KCTD16: variants seen among roughly 807,000 people sequenced by gnomAD.
KCTD16 encodes the protein BTB/POZ domain-containing protein KCTD16.
In KCTD16, 13 loss-of-function variants were observed where a neutral mutation model predicts 33.2. That is an observed-to-expected ratio of 0.39 (90% CI 0.25 to 0.62). The LOEUF (loss-of-function observed/expected upper bound fraction) is 0.62. Among genes scored for constraint, KCTD16 ranks in the 20% least tolerant of loss-of-function variants. The pLI, the probability that KCTD16 is intolerant of heterozygous loss-of-function variation, is 0.50. For synonymous variants in KCTD16, 197 were observed against 195.3 expected, an observed-to-expected ratio of 1.01 and a Z score of -0.07; for missense variants, 441 against 525.1, an observed-to-expected ratio of 0.84 and a Z score of 1.57.
intron 3 of KCTD16, among the ~76,000 whole-genome samples, chr5:144,403,746 C>T (rs958075005): frequency 4.6e-5 from 7 of 152,184 alleles, no homozygotes; most frequent in Admixed American, 3.9e-4. Flanking sequence ...TTTGGGGAGC[C>T]ACTGTCAGTG....
intron 2 of KCTD16, among the ~76,000 whole-genome samples, chr5:144,190,036 GA>G: frequency 6.6e-6 from 1 of 152,242 alleles, no homozygotes; most frequent in East Asian, 1.9e-4. Context: ...CGAGAGCAAT[GA>G]ATTACATAAG....
intron 2 of KCTD16, among the ~76,000 whole-genome samples, chr5:144,174,926 T>C (rs1024116980): frequency 1.2e-4 from 18 of 152,206 alleles, no homozygotes; most frequent in African/African-American, 4.1e-4. Context: ...TGAATGGCTA[T>C]TGTGGCTTGG....
chr5:144,297,433 G>A (rs897811726), intron 3 of KCTD16, among the ~76,000 whole-genome samples: 1 of 152,294 alleles, frequency 6.6e-6, no homozygotes, highest in South Asian at 2.1e-4. Flanking sequence ...CTACAAGGCC[G>A]GATATCTCTC....
At chr5:144,262,799 G>T (rs1755048245) in intron 3 of KCTD16, among the ~76,000 whole-genome samples, 1 of 152,204 alleles carries the variant, frequency 6.6e-6, no homozygotes, top group East Asian at 1.9e-4. Context: ...CAATAGCACA[G>T]ACCTCTGTGT....
At chr5:144,367,691 T>C (rs1236062828) in intron 3 of KCTD16, among the ~76,000 whole-genome samples, 1 of 148,842 alleles carries the variant, frequency 6.7e-6, no homozygotes, top group Non-Finnish European at 1.5e-5. Flanking sequence ...CTTTCATTTA[T>C]TTTTTTTTTC....
chr5:144,254,147 A>AT lies in KCTD16; in HGVS notation c.832+46609dup, dbSNP rs1468029472. Among the ~76,000 whole-genome samples the AT allele has an allele frequency of 6.0e-5, 9 of 149,162 alleles. No homozygotes were observed. In the South Asian group the frequency reaches 1.1e-3, roughly 18 times the overall value. ...TTCTTTTTTTTTTTAATTTATTTTT[A>AT]TTTTTTTTGAGACGGAGTCTCGCTC... On this transcript the variant is annotated intron_variant, in intron 3 of 3. Transcript: ENST00000512467.
intron 3 of KCTD16, among the ~76,000 whole-genome samples, chr5:144,304,302 C>T (rs187113578): frequency 6.6e-6 from 1 of 152,118 alleles, no homozygotes; most frequent in Non-Finnish European, 1.5e-5. Flanking sequence ...CAGCATGAAG[C>T]ACATGTGACA....
At chr5:144,184,291 A>G (rs563352722) in intron 2 of KCTD16, among the ~76,000 whole-genome samples, 1 of 152,200 alleles carries the variant, frequency 6.6e-6, no homozygotes, top group East Asian at 1.9e-4. Flanking sequence ...TTCTATTTCT[A>G]TGCATTTGAC....
Position 144,181,154 on chromosome 5 carries a change from C to T in KCTD16, c.-327+6682C>T, listed in dbSNP as rs979420317. Among the ~76,000 whole-genome samples, 7 of 151,764 alleles carry T rather than the reference C, an allele frequency of 4.6e-5. No homozygotes were observed. In the East Asian group the frequency reaches 5.8e-4, roughly 13 times the overall value. On this transcript the variant is annotated intron_variant, in intron 2 of 3. Coordinates refer to ENST00000512467, the MANE Select transcript of KCTD16 (RefSeq NM_020768.4). Reference sequence around the variant, plus strand: ...TTCACTGTGTTAGCCAGGATGGTCTCGATCTCCTGACCTCATGATCCGCCC... The same window carrying T: ...TTCACTGTGTTAGCCAGGATGGTCTTGATCTCCTGACCTCATGATCCGCCC...
chr5:144,457,110 C>T lies in KCTD16; in HGVS notation c.833-16550C>T, dbSNP rs182076260. On this transcript the variant is annotated intron_variant, in intron 3 of 3. Transcript: ENST00000512467. ...CTTAACTATATGTATTTAAATGTAA[C>T]GCACACTTATCAAATCTGTGATCAG... Among the ~76,000 whole-genome samples, 358 of 152,300 alleles carry T rather than the reference C, an allele frequency of 2.4e-3. 2 individuals carry two copies. Among genetic ancestry groups the T allele is most frequent in the South Asian group, 3.7e-3 (18 of 4,824 alleles).
intron 2 of KCTD16, among the ~76,000 whole-genome samples, chr5:144,196,835 T>G (rs1482963192): frequency 6.6e-6 from 1 of 152,224 alleles, no homozygotes; most frequent in East Asian, 1.9e-4. Flanking sequence ...AGTACCAGCC[T>G]GTCATTTTGA....
intron 3 of KCTD16, among the ~76,000 whole-genome samples, chr5:144,423,760 T>C (rs1241383084): frequency 6.6e-6 from 1 of 152,118 alleles, no homozygotes; most frequent in African/African-American, 2.4e-5. Flanking sequence ...ATGAACAGGA[T>C]TCACTGAGAG....
At chr5:144,278,445 T>G (rs1755498376) in intron 3 of KCTD16, among the ~76,000 whole-genome samples, 1 of 151,406 alleles carries the variant, frequency 6.6e-6, no homozygotes, top group Non-Finnish European at 1.5e-5. Flanking sequence ...TTTGTTCTTA[T>G]TTTTCAAAAT....
At position 144,471,919 on chromosome 5, in the gene KCTD16, T is replaced by A. The variant is rs377308359; in HGVS notation, c.833-1741T>A. Among the ~76,000 whole-genome samples, 57 of 152,316 alleles carry A rather than the reference T, an allele frequency of 3.7e-4. No homozygotes were observed. In the South Asian group the frequency reaches 7.9e-3, roughly 21 times the overall value. ...TTCTGGAGTTGTGATTTATAGAAAC[T>A]TTTGTTTTACTTTCTCTTAAAAAAT... On this transcript the variant is annotated intron_variant, in intron 3 of 3. Transcript: ENST00000512467.
At chr5:144,415,470 T>C (rs1487009248) in intron 3 of KCTD16, among the ~76,000 whole-genome samples, 1 of 152,150 alleles carries the variant, frequency 6.6e-6, no homozygotes, top group African/African-American at 2.4e-5. Flanking sequence ...TAAAGCTAGA[T>C]CATCTTTCAC....
intron 2 of KCTD16, among the ~76,000 whole-genome samples, chr5:144,202,574 CA>C (rs1484046921): frequency 6.6e-6 from 1 of 152,196 alleles, no homozygotes; most frequent in Non-Finnish European, 1.5e-5. Context: ...CCTGATCTCT[CA>C]GAAGGTGAGG....
chr5:144,367,652 C>A lies in KCTD16; in HGVS notation c.833-106008C>A, dbSNP rs181991519. Among the ~76,000 whole-genome samples, 125 of 152,018 alleles carry A rather than the reference C, an allele frequency of 8.2e-4. No homozygotes were observed. The East Asian group carries it at 0.011, about 13-fold the overall frequency. ...GGAGAGTAATCTGTATCTTTCCCCC[C>A]ATACTCTAGAATTGTTTTATTTTTA... is the stretch of plus-strand genomic sequence containing the variant. On this transcript the variant is annotated intron_variant, in intron 3 of 3. Transcript: ENST00000512467.
chr5:144,346,927 C>T (rs1024377263), intron 3 of KCTD16, among the ~76,000 whole-genome samples: 2 of 152,024 alleles, frequency 1.3e-5, no homozygotes, highest in African/African-American at 4.8e-5. Context: ...GAAATCTTTG[C>T]CCAGACCCAA....
At chr5:144,305,973 C>A (rs189748558) in intron 3 of KCTD16, among the ~76,000 whole-genome samples, 1 of 152,276 alleles carries the variant, frequency 6.6e-6, no homozygotes, top group East Asian at 1.9e-4. Context: ...TTAAGCCATC[C>A]ATTCAATGGT....
Sources: gnomAD v4.1 joint callset for allele counts (sites outside exome capture counted in the v4.1 genomes callset) on GRCh38, gnomAD v4.1.1 for gene constraint, MANE v1.5 for transcripts, NCBI Gene and HGNC (gene_info 2026-07-23, HGNC 2026-07-21) for gene names.